The following SLIT3 variants were observed in gnomAD, a reference collection of about 807,000 sequenced individuals.
The protein encoded by SLIT3 is slit homolog 3 protein.
SLIT3 carries 68 observed loss-of-function variants against 184.0 expected under a neutral mutation model. That is an observed-to-expected ratio of 0.37 (90% CI 0.30 to 0.45). The LOEUF is 0.45. Among genes scored for constraint, SLIT3 ranks in the 20% least tolerant of loss-of-function variants. SLIT3 has a pLI of 1.00. For synonymous variants in SLIT3, 831 were observed against 828.6 expected (o/e 1.00, Z -0.05); for missense variants, 1,707 against 2,026.0 (o/e 0.84, Z 3.02).
At chr5:169,237,205 G>T (rs1765232128) in intron 3 of SLIT3, among the ~76,000 whole-genome samples, 1 of 152,168 alleles carries the variant, frequency 6.6e-6, no homozygotes, top group African/African-American at 2.4e-5. Context: ...ATCACAGTCT[G>T]CATTCCATCC....
chr5:168,817,229 G>A (rs1239027506), intron 8 of SLIT3, 71 bp downstream of exon 8: 2 of 1,428,740 alleles, frequency 1.4e-6, no homozygotes, highest in East Asian at 4.6e-5. Flanking sequence ...TCAAGGTCAG[G>A]GTGATGTTGT....
chr5:169,224,377 A>T lies in SLIT3; in HGVS notation c.341+20328T>A, dbSNP rs866124725. Among the ~76,000 whole-genome samples, 704 of 90,470 alleles carry T rather than the reference A, an allele frequency of 7.8e-3. 27 individuals carry two copies. In the South Asian group the frequency reaches 0.12, roughly 15 times the overall value. 59.4% of individuals were successfully genotyped at this position (90,470 alleles called of 152,430 possible). On this transcript the variant is annotated intron_variant, in intron 3 of 35. Transcript: ENST00000519560. ...ATTTAAAATTTTTTATTATTTATTT[A>T]TTTATTTATTTTTTTTGAGACTAGG...
chr5:168,705,144 A>C (rs767170059), intron 26 of SLIT3, among the ~76,000 whole-genome samples: 7 of 152,174 alleles, frequency 4.6e-5, no homozygotes, highest in Admixed American at 2.6e-4. Flanking sequence ...GGTCCTAAAT[A>C]GTCAGGGATC....
At chr5:168,991,377 G>A (rs1406415539) in intron 4 of SLIT3, among the ~76,000 whole-genome samples, 2 of 152,210 alleles carry the variant, frequency 1.3e-5, no homozygotes, top group Non-Finnish European at 2.9e-5. Context: ...GCTCTCACCA[G>A]CATGGGGCAG....
chr5:169,049,228 AAAT>A (rs750611574), intron 4 of SLIT3, among the ~76,000 whole-genome samples: 1 of 152,180 alleles, frequency 6.6e-6, no homozygotes, highest in Admixed American at 6.5e-5. Flanking sequence ...ACAAGAAACA[AAAT>A]AATAATTGTT....
intron 1 of SLIT3, among the ~76,000 whole-genome samples, chr5:169,290,677 G>A (rs1016566082): frequency 3.3e-5 from 5 of 150,632 alleles, no homozygotes; most frequent in Non-Finnish European, 1.5e-5. Context: ...CATACGCTAG[G>A]GCACATGCTG....
At chr5:168,804,146 A>G (rs1340194223) in intron 9 of SLIT3, among the ~76,000 whole-genome samples, 1 of 151,762 alleles carries the variant, frequency 6.6e-6, no homozygotes, top group Non-Finnish European at 1.5e-5. Context: ...GTCTCTACTA[A>G]AAGTACAAAA....
rs1274972992 is a variant in SLIT3, at chr5:168,827,887, T to C, written c.558-4556A>G. Among the ~76,000 whole-genome samples the C allele has an allele frequency of 6.6e-5, 10 of 152,360 alleles. No homozygotes were observed. The East Asian group carries it at 9.6e-4, about 15-fold the overall frequency. On this transcript the variant is annotated intron_variant, in intron 6 of 35. Coordinates refer to ENST00000519560, the MANE Select transcript of SLIT3 (RefSeq NM_003062.4). The stretch of plus-strand genomic sequence containing the variant: ...TACGCATTCACTTTTGTATTGTCGA[T>C]CTGCTTTTGCATTACAATAGCTGGG...
At chr5:169,187,867 C>CT (rs775190580) in intron 4 of SLIT3, among the ~76,000 whole-genome samples, 41 of 116,948 alleles carry the variant, frequency 3.5e-4, no homozygotes, top group Non-Finnish European at 6.1e-4. Context: ...ACGATAAATT[C>CT]TTAAAAAAAA....
intron 14 of SLIT3, among the ~76,000 whole-genome samples, chr5:168,771,532 C>T (rs1221867324): frequency 6.6e-6 from 1 of 152,132 alleles, no homozygotes; most frequent in Non-Finnish European, 1.5e-5. Flanking sequence ...CTTCCCAGGA[C>T]CATTGGAAGA....
intron 14 of SLIT3, 66 bp from the exon 15 acceptor site, chr5:168,762,755 T>C: frequency 1.3e-6 from 2 of 1,544,916 alleles, no homozygotes; most frequent in Non-Finnish European, 1.8e-6. Context: ...AGGTTGTGGG[T>C]AGTGGGGGTG....
At chr5:169,136,679 G>T (rs12521397) in intron 4 of SLIT3, among the ~76,000 whole-genome samples, 1 of 152,082 alleles carries the variant, frequency 6.6e-6, no homozygotes, top group South Asian at 2.1e-4. Context: ...ATGCCTCAAT[G>T]CCTCATTATG....
rs66498923 is a variant in SLIT3, at chr5:168,994,623, C to CTTTTTTTTTTTTTTTTTTTTTTT, written c.414-111310_414-111288dup. ...ACATGTACCAGTGTCTGGCATTCTA[C>CTTTTTTTTTTTTTTTTTTTTTTT]TTTTTTTTTTTTTTTTTTTTTTTTT... On this transcript the variant is annotated intron_variant, in intron 4 of 35. Coordinates refer to ENST00000519560, the MANE Select transcript of SLIT3 (RefSeq NM_003062.4). Among the ~76,000 whole-genome samples the CTTTTTTTTTTTTTTTTTTTTTTT allele has an allele frequency of 6.4e-5, 3 of 47,074 alleles. 1 individual carries two copies. Among genetic ancestry groups the CTTTTTTTTTTTTTTTTTTTTTTT allele is most frequent in the African/African-American group, 2.0e-4 (2 of 10,196 alleles). The allele number at this position is 47,074 out of a possible 152,430, so 30.9% of individuals were successfully genotyped here.
intron 32 of SLIT3, among the ~76,000 whole-genome samples, chr5:168,678,187 CT>C (rs1011377946): frequency 3.3e-5 from 5 of 152,196 alleles, no homozygotes; most frequent in Non-Finnish European, 7.3e-5. Context: ...TTCCTGGCAA[CT>C]TTTAACCAGA....
chr5:169,233,404 CTTTTT>C (rs70979127), intron 3 of SLIT3, among the ~76,000 whole-genome samples: 1 of 145,390 alleles, frequency 6.9e-6, no homozygotes, highest in Non-Finnish European at 1.5e-5. Context: ...TAGAAATTGT[CTTTTT>C]TTTTTTTTTT....
intron 14 of SLIT3, among the ~76,000 whole-genome samples, chr5:168,763,918 G>C (rs555635136): frequency 2.6e-5 from 4 of 152,330 alleles, no homozygotes; most frequent in African/African-American, 7.2e-5. Context: ...CAGAGAATGT[G>C]AACATTATTT....
chr5:169,200,227 T>C (rs564234609), intron 3 of SLIT3, among the ~76,000 whole-genome samples: 2 of 152,274 alleles, frequency 1.3e-5, no homozygotes, highest in African/African-American at 4.8e-5. Flanking sequence ...TCCCCTCCTT[T>C]CCTCAGGGAG....
At chr5:169,116,933 G>A (rs1760688666) in intron 4 of SLIT3, among the ~76,000 whole-genome samples, 1 of 152,168 alleles carries the variant, frequency 6.6e-6, no homozygotes, top group South Asian at 2.1e-4. Flanking sequence ...AAAGTCCACA[G>A]AGCCTTTCAG....
intron 3 of SLIT3, among the ~76,000 whole-genome samples, chr5:169,232,834 G>C (rs1445682116): frequency 6.6e-6 from 1 of 152,114 alleles, no homozygotes; most frequent in Non-Finnish European, 1.5e-5. Flanking sequence ...TTTTGATTAG[G>C]ACTGCCCTGA....
Sources: gnomAD v4.1 joint callset for allele counts (sites outside exome capture counted in the v4.1 genomes callset) on GRCh38, gnomAD v4.1.1 for gene constraint, MANE v1.5 for transcripts, NCBI Gene and HGNC (gene_info 2026-07-23, HGNC 2026-07-21) for gene names.